Variants in PXDN observed in about 807,000 individuals in gnomAD.
PXDN encodes peroxidasin.
PXDN carries 77 observed loss-of-function variants against 140.3 expected under a neutral mutation model. That is an observed-to-expected ratio of 0.55 (90% CI 0.46 to 0.66). PXDN has a LOEUF of 0.66. PXDN is among the 30% of genes least tolerant of loss of function. The pLI, the probability that PXDN is intolerant of heterozygous loss-of-function variation, is 0.00. For missense variants in PXDN, 1,838 were observed against 2,039.5 expected, an observed-to-expected ratio of 0.90 and a Z score of 1.90; for synonymous variants, 911 against 857.4, an observed-to-expected ratio of 1.06 and a Z score of -1.09.
Position 1,663,672 on chromosome 2 carries a change from G to A in PXDN, c.1500C>T (p.Tyr500=), listed in dbSNP as rs376728530. 3.1e-6 allele frequency: 5 copies of A among 1,614,006 alleles called. No individual in the cohort carries two copies. The highest frequency in any genetic ancestry group is 2.5e-6 in the Non-Finnish European group (3 of 1,179,908). The change falls in exon 12 of 23, where the codon TAC becomes TAT. Residue 500 remains tyrosine, a synonymous_variant. Coordinates refer to ENST00000252804, the MANE Select transcript of PXDN (RefSeq NM_012293.3). ...SGVALHDQGQ[Y]ECQAVNIIGS... ...CGATGATGTTGACAGCCTGGCATTC[G>A]TACTGGCCCTGGTCGTGGAGGGCAA...
At chr2:1,658,026 G>GGCTCTCGCTCTCTC (rs1558494182) in intron 14 of PXDN, among the ~76,000 whole-genome samples, 5 of 83,604 alleles carry the variant, frequency 6.0e-5, no homozygotes, top group African/African-American at 2.4e-4. Context: ...TTCAGCTGTG[G>GGCTCTCGCTCTCTC]GCTCTCTCTC....
intron 12 of PXDN, 129 bp downstream of exon 12, chr2:1,663,476 G>A (rs1331651204): frequency 3.3e-5 from 42 of 1,282,322 alleles, no homozygotes; most frequent in Non-Finnish European, 4.3e-5. Context: ...CAATGACGGT[G>A]CACAAAATGC....
intron 19 of PXDN, among the ~76,000 whole-genome samples, chr2:1,642,815 G>A (rs1039008926): frequency 3.9e-5 from 6 of 152,170 alleles, no homozygotes; most frequent in African/African-American, 9.7e-5. Context: ...CACGAGTGCC[G>A]GGGCTGTGGG....
chr2:1,710,586 CCTCTCCACCAGCACCCA>C (rs757903854), intron 1 of PXDN, among the ~76,000 whole-genome samples: 12,636 of 99,528 alleles, frequency 0.13, 905 homozygotes, highest in Non-Finnish European at 0.18. Flanking sequence ...CCACTAGCAC[CCTCTCCACCAGCACCCA>C]CTCTCCACCA....
rs764877735 is a variant in PXDN at position 1,648,926 on chromosome 2, C to A, written c.2854G>T (p.Ala952Ser). 14 of 1,603,346 alleles carry A rather than the reference C, an allele frequency of 8.7e-6. No homozygotes were observed. The highest frequency in any genetic ancestry group is 1.7e-5 in the Admixed American group (1 of 59,740). Residue 952 changes from alanine (A) to serine (S), a missense_variant, in exon 17 of 23, where the codon GCC becomes TCC. By Grantham distance (99) the Ala-to-Ser change is moderately conservative. This residue lies in a region of PXDN where 850 missense variants were observed against 894.1 expected (regional missense o/e 0.95). Coordinates refer to ENST00000252804, the MANE Select transcript of PXDN (RefSeq NM_012293.3). This position sits in a 1 kb window ranked among gnomAD's most constrained non-coding sequence, Gnocchi z 8.9. ...QRSGKPLLPF[A>S]TGPPTECMRD... ...ATGCACTCCGTGGGCGGCCCGGTGGCGAAGGGGAGCAGCGGCTTCCCGGAC... is the reference window on the plus strand; with the variant it reads ...ATGCACTCCGTGGGCGGCCCGGTGGAGAAGGGGAGCAGCGGCTTCCCGGAC...
chr2:1,695,415 C>T (rs1047347497), intron 1 of PXDN, among the ~76,000 whole-genome samples: 3 of 130,142 alleles, frequency 2.3e-5, no homozygotes, highest in African/African-American at 2.9e-5. Flanking sequence ...GCTGTCCCAT[C>T]CACAGGCCCC....
chr2:1,657,979 T>C (rs1683189487), intron 14 of PXDN, among the ~76,000 whole-genome samples: 1 of 139,162 alleles, frequency 7.2e-6, no homozygotes, highest in East Asian at 2.5e-4. Context: ...TCACTGTGAT[T>C]TCCTTTCTCC....
intron 1 of PXDN, among the ~76,000 whole-genome samples, chr2:1,711,401 C>T (rs1235568171): frequency 1.6e-5 from 2 of 122,544 alleles, no homozygotes; most frequent in Non-Finnish European, 3.4e-5. Flanking sequence ...GCTCCACAAG[C>T]ACCCACTCTC....
At chr2:1,671,890 A>C (rs1683587232) in intron 9 of PXDN, 1 of 152,398 alleles carries the variant, frequency 6.6e-6, no homozygotes, top group South Asian at 2.1e-4. Context: ...ATTGTGCAGA[A>C]GAATGGGTGT....
intron 1 of PXDN, among the ~76,000 whole-genome samples, chr2:1,693,622 A>G (rs994697796): frequency 2.0e-5 from 3 of 152,240 alleles, no homozygotes; most frequent in Non-Finnish European, 2.9e-5. Context: ...CAAAACCACA[A>G]AAGTGAATTC....
chr2:1,713,244 G>T (rs1344256860), intron 1 of PXDN, among the ~76,000 whole-genome samples: 1 of 152,126 alleles, frequency 6.6e-6, no homozygotes, highest in East Asian at 1.9e-4. Context: ...TGCAGAGCGA[G>T]ATCTAAAGCA....
At chr2:1,669,935 T>C (rs967195329) in intron 9 of PXDN, 1 of 152,202 alleles carries the variant, frequency 6.6e-6, no homozygotes, top group African/African-American at 2.4e-5. Flanking sequence ...TTCAGAAAGC[T>C]CCAAAAATCA....
At chr2:1,720,844 C>A (rs747404922) in intron 1 of PXDN, among the ~76,000 whole-genome samples, 1 of 152,150 alleles carries the variant, frequency 6.6e-6, no homozygotes, top group African/African-American at 2.4e-5. Context: ...CCTCCCGGAC[C>A]GCAGCTGGTT....
Position 1,744,478 on chromosome 2 carries a change from T to TCGGACGCA in PXDN, c.-31_-24dup. On this transcript the variant is annotated 5_prime_UTR_variant, in exon 1 of 23. Coordinates refer to ENST00000252804, the MANE Select transcript of PXDN (RefSeq NM_012293.3). ...CATGGCCGACGGCGCGGACGGACGCTCGGACGCACGGAGCCACCACGGCCG... is the reference window on the plus strand; with the variant it reads ...CATGGCCGACGGCGCGGACGGACGCTCGGACGCACGGACGCACGGAGCCACCACGGCCG... 6 of 1,427,948 alleles carry TCGGACGCA rather than the reference T, an allele frequency of 4.2e-6. No individual in the cohort carries two copies. The highest frequency in any genetic ancestry group is 4.5e-6 in the Non-Finnish European group (5 of 1,099,550). The allele number at this position is 1,427,948 out of a possible 1,614,324, so 88.5% of individuals were successfully genotyped here. A position where few individuals can be genotyped will look rare whatever the true frequency, so the allele number is the denominator to read the frequency against.
intron 14 of PXDN, among the ~76,000 whole-genome samples, chr2:1,657,811 C>T (rs1018508885): frequency 7.0e-6 from 1 of 143,626 alleles, no homozygotes; most frequent in African/African-American, 2.9e-5. Context: ...AACCTGTCCC[C>T]ACCTGACAGG....
At chr2:1,671,606 T>A (rs80293651) in intron 9 of PXDN, among the ~76,000 whole-genome samples, 1 of 152,206 alleles carries the variant, frequency 6.6e-6, no homozygotes, top group Non-Finnish European at 1.5e-5. Context: ...TGATCAAAAA[T>A]GTAATTCATC....
chr2:1,663,864 C>G, intron 11 of PXDN, 101 bp from the exon 12 acceptor site: 1 of 1,467,636 alleles, frequency 6.8e-7, no homozygotes, highest in Non-Finnish European at 9.2e-7. Context: ...CCACCTGGGT[C>G]GGGGCGCCGG....
intron 19 of PXDN, among the ~76,000 whole-genome samples, chr2:1,641,735 C>G (rs190490153): frequency 6.6e-6 from 1 of 152,164 alleles, no homozygotes; most frequent in South Asian, 2.1e-4. Flanking sequence ...TTGTAACATG[C>G]GGGGAACAAA....
Position 1,649,712 on chromosome 2 carries a change from C to T in PXDN, c.2105-37G>A, listed in dbSNP as rs766923006. On this transcript the variant is annotated intron_variant, in intron 16 of 22. Transcript: ENST00000252804. This position sits in a 1 kb window ranked among gnomAD's most constrained non-coding sequence, Gnocchi z 7.1. ...AGAAAAGCAAGACGCACTCAATTCC[C>T]CTGGAGGATGTGTGAGGGCCCGGTA... The T allele has an allele frequency of 1.2e-6, 2 of 1,608,752 alleles. No individual in the cohort carries two copies. Among genetic ancestry groups the T allele is most frequent in the Middle Eastern group, 1.7e-4 (1 of 6,042 alleles).
Sources: gnomAD v4.1 joint callset for allele counts (sites outside exome capture counted in the v4.1 genomes callset) on GRCh38, gnomAD v4.1.1 for gene constraint, gnomAD v4.1.1 regional missense constraint, Gnocchi (gnomAD v3.1) non-coding constraint, MANE v1.5 for transcripts, NCBI Gene and HGNC (gene_info 2026-07-23, HGNC 2026-07-21) for gene names.